The following SMARCA2 variants were observed in gnomAD, a reference collection of about 807,000 sequenced individuals.
The protein encoded by SMARCA2 is SWI/SNF related BAF chromatin remodeling complex subunit ATPase 2.
In SMARCA2, 61 loss-of-function variants were observed where a neutral mutation model predicts 199.8. The ratio of observed to expected loss-of-function variants is 0.31; its 90% CI spans 0.25 to 0.38. The LOEUF (loss-of-function observed/expected upper bound fraction) is 0.38, where lower values mean the gene tolerates loss of function less well. Ranked by LOEUF, SMARCA2 falls within the 10% of genes least tolerant of loss-of-function variation. SMARCA2 has a pLI of 1.00. For synonymous variants in SMARCA2, 935 were observed against 732.0 expected (o/e 1.28, Z -4.48); for missense variants, 1,344 against 2,012.2 (o/e 0.67, Z 6.35).
intron 8 of SMARCA2, among the ~76,000 whole-genome samples, 180 bp downstream of exon 8, chr9:2,058,644 T>C (rs1169493503): frequency 6.6e-6 from 1 of 152,236 alleles, no homozygotes; most frequent in Non-Finnish European, 1.5e-5. Flanking sequence ...GGAGAATGCA[T>C]GCCAAAAATC....
chr9:2,036,195 T>C (rs1000963235), intron 3 of SMARCA2, among the ~76,000 whole-genome samples: 1 of 152,066 alleles, frequency 6.6e-6, no homozygotes, highest in Admixed American at 6.5e-5. Flanking sequence ...TGTGTGTGTG[T>C]GTGTGTGTTT....
rs1056186847 is a variant in SMARCA2 at position 2,032,893 on chromosome 9, C to A, written c.226-59C>A. On this transcript the variant is annotated intron_variant, in intron 2 of 33. Transcript: ENST00000349721. ...GAACTTAGGAAGGGGTCTGAAAACT[C>A]CAAATAGAAATATTTTACCTTATAG... is the stretch of plus-strand genomic sequence containing the variant. 18 of 1,531,394 alleles carry A rather than the reference C, an allele frequency of 1.2e-5. No homozygotes were observed. The African/African-American group carries it at 1.5e-4, about 13-fold the overall frequency. 94.9% of individuals were successfully genotyped at this position (1,531,394 alleles called of 1,614,324 possible). A position where few individuals can be genotyped will look rare whatever the true frequency, so the allele number is the denominator to read the frequency against.
chr9:2,137,258 G>A (rs943844010), intron 27 of SMARCA2, among the ~76,000 whole-genome samples: 125 of 152,196 alleles, frequency 8.2e-4, no homozygotes, highest in African/African-American at 2.9e-3. Context: ...CAGTTCAGGT[G>A]GCTACCCAGA....
rs573974963 is a variant in SMARCA2, at chr9:2,171,210, A to T, written c.4253+738A>T. Among the ~76,000 whole-genome samples, 55 of 152,344 alleles carry T rather than the reference A, an allele frequency of 3.6e-4. No homozygotes were observed. In the East Asian group the frequency reaches 0.01, roughly 28 times the overall value. ...AGGAGCTCTTATTAATATAAGAGAG[A>T]TAACATTTCTTTCTCCATTTCGGTC... On this transcript the variant is annotated intron_variant, in intron 29 of 33. Transcript: ENST00000349721.
At chr9:2,027,623 C>T (rs1329638986) in intron 1 of SMARCA2, 1 of 152,170 alleles carries the variant, frequency 6.6e-6, no homozygotes, top group East Asian at 1.9e-4. Context: ...CCCTCATACT[C>T]TAGAGATTCA....
intron 2 of SMARCA2, chr9:2,032,689 A>G (rs1819123297): frequency 1.0e-5 from 3 of 297,060 alleles, no homozygotes. Flanking sequence ...CCAGGACTTC[A>G]TTTTCATTGC....
At chr9:2,181,429 G>A in intron 29 of SMARCA2, 142 bp from the exon 30 acceptor site, 1 of 606,926 alleles carries the variant, frequency 1.6e-6, no homozygotes, top group East Asian at 3.0e-5. Flanking sequence ...TAGAGTTGTG[G>A]GATTTTTCCT....
intron 9 of SMARCA2, among the ~76,000 whole-genome samples, chr9:2,061,688 G>A (rs1298875980): frequency 6.6e-6 from 1 of 152,182 alleles, no homozygotes. Flanking sequence ...GATACTGTGT[G>A]TTCATGATAA....
chr9:2,055,395 G>C (rs1820306675), intron 6 of SMARCA2, among the ~76,000 whole-genome samples: 1 of 152,190 alleles, frequency 6.6e-6, no homozygotes, highest in South Asian at 2.1e-4. Flanking sequence ...TCACTTTGGC[G>C]AGTTTTGCCT....
intron 27 of SMARCA2, among the ~76,000 whole-genome samples, chr9:2,145,897 T>C (rs530470026): frequency 6.6e-6 from 1 of 152,292 alleles, no homozygotes; most frequent in South Asian, 2.1e-4. Context: ...TCACTGAACA[T>C]GTATGCAATG....
intron 1 of SMARCA2, among the ~76,000 whole-genome samples, chr9:2,022,579 A>G (rs1247632050): frequency 6.6e-6 from 1 of 152,240 alleles, no homozygotes; most frequent in East Asian, 1.9e-4. Flanking sequence ...TTCATTCAGC[A>G]TATGATGGTT....
rs758774571 is a variant in SMARCA2, at chr9:2,052,508, C to T, written c.1047-2089C>T. 6.6e-5 allele frequency among the ~76,000 whole-genome samples: 10 copies of T among 152,196 alleles called. No individual in the cohort carries two copies. In the South Asian group the frequency reaches 8.3e-4, roughly 13 times the overall value. On this transcript the variant is annotated intron_variant, in intron 5 of 33. Transcript: ENST00000349721. ...CAAAGAAAAAACAATAACGACAGCA[C>T]GGTAGCAGTGATAATATTAACACAT...
chr9:2,115,081 C>G lies in SMARCA2; in HGVS notation c.3457-741C>G, dbSNP rs1248839237. ...AAGCCATTAGAGAGAGTAAATTATTCTGAGAAGGTACATCCTTATTTCTAA... is the reference window on the plus strand; with the variant it reads ...AAGCCATTAGAGAGAGTAAATTATTGTGAGAAGGTACATCCTTATTTCTAA... On this transcript the variant is annotated intron_variant, in intron 24 of 33. Coordinates refer to ENST00000349721, the MANE Select transcript of SMARCA2 (RefSeq NM_003070.5). The surrounding 1 kb of genome is among the most constrained non-coding windows in gnomAD (Gnocchi z 6.0). Among the ~76,000 whole-genome samples, 2 of 151,566 alleles carry G rather than the reference C, an allele frequency of 1.3e-5. No individual in the cohort carries two copies. The highest frequency in any genetic ancestry group is 2.4e-5 in the African/African-American group (1 of 41,200).
At position 2,016,193 on chromosome 9, in the gene SMARCA2, C is replaced by G. The variant is rs1164007686; in HGVS notation, c.-37+789C>G. 1 of 152,392 alleles carries G rather than the reference C, an allele frequency of 6.6e-6. No individual in the cohort carries two copies. The highest frequency in any genetic ancestry group is 1.5e-5 in the Non-Finnish European group (1 of 68,192). The allele number at this position is 152,392 out of a possible 1,614,324, so 9.4% of individuals were successfully genotyped here. On this transcript the variant is annotated intron_variant, in intron 1 of 33. Transcript: ENST00000349721. This position sits in a 1 kb window ranked among gnomAD's most constrained non-coding sequence, Gnocchi z 5.6. ...CCTCCACTTTCCGCGTTTCCTCCGG[C>G]GTGGATGGGGAGGCTGATTGGTAGG...
intron 27 of SMARCA2, among the ~76,000 whole-genome samples, chr9:2,154,771 T>C (rs17386332): frequency 0.098 from 14,934 of 152,328 alleles, 909 homozygotes; most frequent in Middle Eastern, 0.22. Flanking sequence ...AAGCATTAAG[T>C]TATTCTTTGT....
chr9:2,178,629 T>TTA (rs570112247), intron 29 of SMARCA2, among the ~76,000 whole-genome samples: 24 of 151,694 alleles, frequency 1.6e-4, no homozygotes, highest in Admixed American at 6.6e-4. Flanking sequence ...AAAGGTGTAT[T>TTA]AAAAAAAAGC....
rs768020317 is a variant in SMARCA2 at position 2,123,688 on chromosome 9, C to A, written c.3763-31C>A. ...AGTCTGCACCATACAGAAGCCCTGA[C>A]TTTCGGTGACCCTCTTATTAATGTC... On this transcript the variant is annotated intron_variant, in intron 26 of 33. Transcript: ENST00000349721. This position sits in a 1 kb window ranked among gnomAD's most constrained non-coding sequence, Gnocchi z 4.1. 3 of 1,600,896 alleles carry A rather than the reference C, an allele frequency of 1.9e-6. No individual in the cohort carries two copies. The highest frequency in any genetic ancestry group is 2.2e-5 in the East Asian group (1 of 44,752).
Position 2,189,589 on chromosome 9 carries a change from A to G in SMARCA2, c.4595-1677A>G, listed in dbSNP as rs868146889. 1.3e-5 allele frequency among the ~76,000 whole-genome samples: 2 copies of G among 152,116 alleles called. 1 individual carries two copies. Among genetic ancestry groups the G allele is most frequent in the Middle Eastern group, 6.8e-3 (2 of 294 alleles). On this transcript the variant is annotated intron_variant, in intron 32 of 33. Transcript: ENST00000349721. ...TCATCTATTTCTTTCGACGTCCTACATCTTTCCGTTTTCATTAGTAGGTAG... is the reference window on the plus strand; with the variant it reads ...TCATCTATTTCTTTCGACGTCCTACGTCTTTCCGTTTTCATTAGTAGGTAG...
chr9:2,070,383 G>C lies in SMARCA2; in HGVS notation c.1693-35G>C, dbSNP rs769001801. The C allele has an allele frequency of 1.3e-5, 21 of 1,592,218 alleles. No individual in the cohort carries two copies. The Admixed American group carries it at 3.2e-4, about 24-fold the overall frequency. ...AGGAAGTCCTGTACCCCATCATCTTGGTTACTTATAACATTCGACATTGTT... is the reference window on the plus strand; with the variant it reads ...AGGAAGTCCTGTACCCCATCATCTTCGTTACTTATAACATTCGACATTGTT... On this transcript the variant is annotated intron_variant, in intron 9 of 33. Transcript: ENST00000349721.
Sources: gnomAD v4.1 joint callset for allele counts (sites outside exome capture counted in the v4.1 genomes callset) on GRCh38, gnomAD v4.1.1 for gene constraint, Gnocchi (gnomAD v3.1) non-coding constraint, MANE v1.5 for transcripts, NCBI Gene and HGNC (gene_info 2026-07-23, HGNC 2026-07-21) for gene names.